KCNQ5: variants seen among roughly 807,000 people sequenced by gnomAD.
The protein encoded by KCNQ5 is potassium voltage-gated channel subfamily Q member 5, also known as potassium voltage-gated channel subfamily KQT member 5.
KCNQ5 carries 30 observed loss-of-function variants against 98.2 expected under a neutral mutation model. The observed-to-expected ratio is 0.31, with a 90% CI of 0.23 to 0.41. KCNQ5 has a LOEUF of 0.41. KCNQ5 is among the 10% of genes least tolerant of loss of function. The probability of loss-of-function intolerance (pLI) is 1.00; values close to 1 mark genes in which losing one functional copy is unlikely to be tolerated. For synonymous variants in KCNQ5, 458 were observed against 449.4 expected (o/e 1.02, Z -0.24); for missense variants, 835 against 1,182.5 (o/e 0.71, Z 4.31).
At chr6:73,084,009 G>A (rs973128953) in intron 5 of KCNQ5, among the ~76,000 whole-genome samples, 1 of 152,126 alleles carries the variant, frequency 6.6e-6, no homozygotes, top group African/African-American at 2.4e-5. Flanking sequence ...CCACACTTTA[G>A]TTCTTTCTGT....
At chr6:72,986,191 T>G in intron 1 of KCNQ5, 1 of 168,262 alleles carries the variant, frequency 5.9e-6, no homozygotes, top group Non-Finnish European at 1.3e-5. Context: ...GATCGCACCA[T>G]TGCACTCCAG....
chr6:72,635,670 GTTTTTTTTTTTTTT>G (rs528990234), intron 1 of KCNQ5, among the ~76,000 whole-genome samples: 1 of 65,074 alleles, frequency 1.5e-5, no homozygotes, highest in Non-Finnish European at 2.9e-5. Context: ...ATTGCTCCTA[GTTTTTTTTTTTTTT>G]TTTTTTTTTT....
chr6:73,002,178 C>T (rs192673966), intron 1 of KCNQ5, among the ~76,000 whole-genome samples: 2 of 152,230 alleles, frequency 1.3e-5, no homozygotes, highest in African/African-American at 4.8e-5. Flanking sequence ...TCATTAACAT[C>T]GTGTACTAGG....
At chr6:73,178,179 A>G (rs917144893) in intron 11 of KCNQ5, among the ~76,000 whole-genome samples, 4 of 152,008 alleles carry the variant, frequency 2.6e-5, no homozygotes, top group African/African-American at 9.7e-5. Context: ...AAAATCCCCA[A>G]ATTTAGTCGC....
chr6:72,899,489 C>T (rs1019366805), intron 1 of KCNQ5, among the ~76,000 whole-genome samples: 1 of 152,022 alleles, frequency 6.6e-6, no homozygotes, highest in African/African-American at 2.4e-5. Flanking sequence ...TTCCAAACTA[C>T]TTGAAAATAG....
chr6:72,646,564 A>T (rs1440476175), intron 1 of KCNQ5, among the ~76,000 whole-genome samples: 1 of 152,174 alleles, frequency 6.6e-6, no homozygotes, highest in Non-Finnish European at 1.5e-5. Context: ...TTACTGTTGC[A>T]TGGGTAGACA....
chr6:72,684,919 C>G (rs1767878102), intron 1 of KCNQ5, among the ~76,000 whole-genome samples: 1 of 151,990 alleles, frequency 6.6e-6, no homozygotes, highest in Non-Finnish European at 1.5e-5. Context: ...CTAGGCATTG[C>G]TCCATCTCTC....
chr6:72,634,650 C>G (rs1048812384), intron 1 of KCNQ5, among the ~76,000 whole-genome samples: 4 of 152,168 alleles, frequency 2.6e-5, no homozygotes, highest in African/African-American at 9.7e-5. Flanking sequence ...ACTGCAACCT[C>G]CACCTCCCAG....
At chr6:72,711,603 A>G (rs1163031893) in intron 1 of KCNQ5, among the ~76,000 whole-genome samples, 3 of 152,194 alleles carry the variant, frequency 2.0e-5, no homozygotes, top group South Asian at 4.1e-4. Flanking sequence ...AAGGGCTGAC[A>G]TGATTTGATC....
At chr6:73,042,128 T>G in intron 3 of KCNQ5, 66 bp downstream of exon 3, 1 of 1,577,528 alleles carries the variant, frequency 6.3e-7, no homozygotes, top group Non-Finnish European at 8.7e-7. Flanking sequence ...TCTCCTGTTT[T>G]GCAATATTTG....
chr6:72,795,100 A>G (rs954300805), intron 1 of KCNQ5, among the ~76,000 whole-genome samples: 2 of 152,206 alleles, frequency 1.3e-5, no homozygotes, highest in African/African-American at 4.8e-5. Context: ...GGTGGACAGA[A>G]GCATAATATC....
At chr6:72,805,867 C>T (rs374870413) in intron 1 of KCNQ5, among the ~76,000 whole-genome samples, 6 of 151,914 alleles carry the variant, frequency 3.9e-5, no homozygotes, top group Non-Finnish European at 5.9e-5. Flanking sequence ...TAATTTTCAT[C>T]GTAGAACTCT....
chr6:73,079,527 CTTG>C (rs1773680230), intron 5 of KCNQ5, among the ~76,000 whole-genome samples: 2 of 152,094 alleles, frequency 1.3e-5, no homozygotes, highest in Admixed American at 1.3e-4. Context: ...TTTAGCAGAA[CTTG>C]TTGTATTTGT....
At chr6:72,625,376 T>G (rs1035245487) in intron 1 of KCNQ5, among the ~76,000 whole-genome samples, 2 of 152,208 alleles carry the variant, frequency 1.3e-5, no homozygotes, top group Non-Finnish European at 2.9e-5. Context: ...TACTATTCTT[T>G]AGGATTTACC....
At chr6:72,875,902 A>G (rs1562040288) in intron 1 of KCNQ5, among the ~76,000 whole-genome samples, 1 of 151,964 alleles carries the variant, frequency 6.6e-6, no homozygotes, top group Non-Finnish European at 1.5e-5. Flanking sequence ...TCCCTTCCTC[A>G]GTTTACATTT....
At chr6:73,057,961 T>A (rs1772599384) in intron 3 of KCNQ5, among the ~76,000 whole-genome samples, 1 of 152,132 alleles carries the variant, frequency 6.6e-6, no homozygotes, top group Non-Finnish European at 1.5e-5. Flanking sequence ...CATTTGATCT[T>A]AAACAAACCT....
intron 1 of KCNQ5, among the ~76,000 whole-genome samples, chr6:72,811,529 A>G (rs1013045220): frequency 6.6e-6 from 1 of 152,236 alleles, no homozygotes; most frequent in Non-Finnish European, 1.5e-5. Context: ...AAAGAATGCT[A>G]TATTCTACCA....
In KCNQ5 at chr6:73,195,049, G is replaced by A. The variant is rs920830928; in HGVS notation, c.2434G>A (p.Gly812Arg). ...TATGAGGAAAAGCTTTGACATGGGA[G>A]GAGAAACTCTGTTGTCTGTCTGTCC... is the stretch of plus-strand genomic sequence containing the variant. Reference protein sequence around the residue: ...RSMRKSFDMGGETLLSVCPMV... With the variant: ...RSMRKSFDMGRETLLSVCPMV... The change falls in exon 14 of 14, where the codon GGA becomes AGA. Residue 812 changes from glycine to arginine, a missense_variant. Gly to Arg is a moderately radical substitution (Grantham distance 125, BLOSUM62 -2). This residue lies in a region of KCNQ5 where 416 missense variants were observed against 446.9 expected (regional missense o/e 0.93). Transcript: ENST00000370398. 1.2e-6 allele frequency: 2 copies of A among 1,614,074 alleles called. No homozygotes were observed. The highest frequency in any genetic ancestry group is 2.2e-5 in the East Asian group (1 of 44,900).
intron 1 of KCNQ5, among the ~76,000 whole-genome samples, chr6:72,925,713 G>T (rs967870475): frequency 1.3e-5 from 2 of 152,150 alleles, no homozygotes; most frequent in African/African-American, 4.8e-5. Context: ...AGGTTGGCAG[G>T]CACCATCCAG....
Sources: gnomAD v4.1 joint callset for allele counts (sites outside exome capture counted in the v4.1 genomes callset) on GRCh38, gnomAD v4.1.1 for gene constraint, gnomAD v4.1.1 regional missense constraint, MANE v1.5 for transcripts, NCBI Gene and HGNC (gene_info 2026-07-23, HGNC 2026-07-21) for gene names.